ROBO1: variants seen among roughly 807,000 people sequenced by gnomAD.
ROBO1 encodes roundabout guidance receptor 1, also known as roundabout homolog 1.
In ROBO1, 149 loss-of-function variants were observed where a neutral mutation model predicts 195.9. The ratio of observed to expected loss-of-function variants is 0.76; its 90% confidence interval spans 0.67 to 0.87. The LOEUF is 0.87. Among genes scored for constraint, ROBO1 ranks in the 40% least tolerant of loss-of-function variants. The pLI is 0.00. For synonymous variants in ROBO1, 816 were observed against 733.2 expected (o/e 1.11, Z -1.82); for missense variants, 1,933 against 2,068.3 (o/e 0.93, Z 1.27).
At chr3:79,392,088 G>A (rs1325088889) in intron 2 of ROBO1, among the ~76,000 whole-genome samples, 1 of 152,192 alleles carries the variant, frequency 6.6e-6, no homozygotes, top group Non-Finnish European at 1.5e-5. Flanking sequence ...GGGGAAAAAA[G>A]TGGAGCTGAA....
At chr3:78,651,156 T>A (rs975880233) in intron 19 of ROBO1, among the ~76,000 whole-genome samples, 2 of 152,126 alleles carry the variant, frequency 1.3e-5, no homozygotes, top group African/African-American at 4.8e-5. Flanking sequence ...AAAATCACCA[T>A]CACTAAGTAA....
intron 2 of ROBO1, among the ~76,000 whole-genome samples, chr3:79,190,074 A>G (rs938873069): frequency 2.6e-5 from 4 of 151,692 alleles, no homozygotes; most frequent in African/African-American, 9.7e-5. Flanking sequence ...AATGCCTTAA[A>G]CAATGGTTCT....
chr3:79,657,011 G>T (rs1305234800), intron 1 of ROBO1, among the ~76,000 whole-genome samples: 1 of 152,034 alleles, frequency 6.6e-6, no homozygotes, highest in Non-Finnish European at 1.5e-5. Context: ...TCTATTCTTT[G>T]TTAGCTAACA....
chr3:78,916,318 C>T (rs1576394671), intron 4 of ROBO1, among the ~76,000 whole-genome samples: 2 of 150,806 alleles, frequency 1.3e-5, no homozygotes, highest in Non-Finnish European at 1.5e-5. Context: ...TTTGGGAAGC[C>T]GAGGTGGGCG....
intron 8 of ROBO1, among the ~76,000 whole-genome samples, chr3:78,700,573 G>A (rs1260126494): frequency 1.3e-5 from 2 of 152,152 alleles, no homozygotes; most frequent in Non-Finnish European, 2.9e-5. Context: ...TTAATAGTAA[G>A]AAGGCATCAG....
chr3:79,204,974 ATTAG>A (rs113126682), intron 2 of ROBO1, among the ~76,000 whole-genome samples: 14,414 of 150,372 alleles, frequency 0.096, 883 homozygotes, highest in African/African-American at 0.17. Context: ...GACTTGGAGA[ATTAG>A]TTAGTTAGTT....
At chr3:79,292,610 C>G (rs913550352) in intron 2 of ROBO1, among the ~76,000 whole-genome samples, 3 of 152,062 alleles carry the variant, frequency 2.0e-5, no homozygotes, top group African/African-American at 7.2e-5. Context: ...TATTGAAGGC[C>G]TTTTCTTTAT....
At chr3:79,549,383 G>A (rs1252835206) in intron 2 of ROBO1, among the ~76,000 whole-genome samples, 1 of 152,110 alleles carries the variant, frequency 6.6e-6, no homozygotes, top group Non-Finnish European at 1.5e-5. Context: ...TCTTATGAGA[G>A]CACTCAGAAA....
chr3:78,676,546 G>C (rs1436570463), intron 10 of ROBO1, among the ~76,000 whole-genome samples: 1 of 152,122 alleles, frequency 6.6e-6, no homozygotes, highest in Non-Finnish European at 1.5e-5. Flanking sequence ...CTCAGGAGCC[G>C]ATGCGATCAA....
At chr3:78,895,034 T>C (rs1033625777) in intron 4 of ROBO1, among the ~76,000 whole-genome samples, 1 of 152,114 alleles carries the variant, frequency 6.6e-6, no homozygotes, top group South Asian at 2.1e-4. Flanking sequence ...AAACAGAGAG[T>C]TGGCTGTTCA....
chr3:78,799,467 G>T, intron 4 of ROBO1, among the ~76,000 whole-genome samples: 1 of 151,878 alleles, frequency 6.6e-6, no homozygotes, highest in African/African-American at 2.4e-5. Context: ...TCAGCCTCCT[G>T]AGTAGCTGGG....
chr3:79,631,448 A>AT (rs1275036327), intron 1 of ROBO1, among the ~76,000 whole-genome samples: 1 of 152,052 alleles, frequency 6.6e-6, no homozygotes, highest in African/African-American at 2.4e-5. Flanking sequence ...GAAGAATGAA[A>AT]TTTGGTCCCT....
chr3:79,048,409 C>T (rs1264843101), intron 3 of ROBO1, among the ~76,000 whole-genome samples: 1 of 152,160 alleles, frequency 6.6e-6, no homozygotes, highest in Admixed American at 6.6e-5. Flanking sequence ...AGCTTTTCAT[C>T]TGGTAGCCTC....
intron 1 of ROBO1, among the ~76,000 whole-genome samples, chr3:79,714,302 C>G (rs1702391005): frequency 6.6e-6 from 1 of 152,076 alleles, no homozygotes; most frequent in Non-Finnish European, 1.5e-5. Context: ...CAATGAGATA[C>G]CATCTCACAC....
intron 3 of ROBO1, among the ~76,000 whole-genome samples, chr3:79,027,725 C>CTAAAAGCCTT (rs1366805048): frequency 5.3e-5 from 8 of 152,056 alleles, no homozygotes; most frequent in Non-Finnish European, 1.2e-4. Context: ...ATTGCTGGAA[C>CTAAAAGCCTT]TAAAAGCCTT....
chr3:79,664,429 T>TA (rs1335130649), intron 1 of ROBO1, among the ~76,000 whole-genome samples: 1 of 152,064 alleles, frequency 6.6e-6, no homozygotes, highest in Non-Finnish European at 1.5e-5. Context: ...CTATGTAACA[T>TA]ACAGTCTACA....
intron 3 of ROBO1, among the ~76,000 whole-genome samples, chr3:78,974,294 A>C (rs182718983): frequency 4.6e-5 from 7 of 152,226 alleles, no homozygotes; most frequent in African/African-American, 1.7e-4. Context: ...AACGAAAGGG[A>C]AATTCCAGTG....
intron 4 of ROBO1, among the ~76,000 whole-genome samples, chr3:78,934,436 T>A (rs2039689653): frequency 6.6e-6 from 1 of 152,008 alleles, no homozygotes; most frequent in Non-Finnish European, 1.5e-5. Flanking sequence ...CATTTTTAAA[T>A]GGTACTTTTT....
chr3:79,357,359 C>A (rs2035598166), intron 2 of ROBO1, among the ~76,000 whole-genome samples: 1 of 152,026 alleles, frequency 6.6e-6, no homozygotes, highest in South Asian at 2.1e-4. Context: ...GATGTCCATC[C>A]CATGAGCAAC....
Sources: allele counts gnomAD v4.1 joint callset (sites outside exome capture counted in the v4.1 genomes callset), GRCh38; gene constraint gnomAD v4.1.1; transcripts MANE v1.5; gene names NCBI Gene and HGNC (gene_info 2026-07-23, HGNC 2026-07-21).